NKAIN2: variants seen among roughly 807,000 people sequenced by gnomAD.
NKAIN2 encodes sodium/potassium transporting ATPase interacting 2, also known as sodium/potassium-transporting ATPase subunit beta-1-interacting protein 2.
NKAIN2 carries 14 observed loss-of-function variants against 32.6 expected under a neutral mutation model. The observed-to-expected ratio is 0.43, with a 90% CI of 0.28 to 0.67. NKAIN2 has a LOEUF of 0.67. Ranked by LOEUF, NKAIN2 falls within the 30% of genes least tolerant of loss-of-function variation. NKAIN2 has a pLI of 0.17. For missense variants in NKAIN2, 198 were observed against 258.3 expected, an observed-to-expected ratio of 0.77 and a Z score of 1.60; for synonymous variants, 80 against 87.2, an observed-to-expected ratio of 0.92 and a Z score of 0.46.
chr6:124,789,191 C>T (rs1309020858), intron 4 of NKAIN2, among the ~76,000 whole-genome samples: 1 of 152,008 alleles, frequency 6.6e-6, no homozygotes, highest in Admixed American at 6.6e-5. Flanking sequence ...GAAGTTTAAA[C>T]TTATTGGCCA....
chr6:123,941,285 T>TA (rs1379354785), intron 1 of NKAIN2, among the ~76,000 whole-genome samples: 1 of 151,810 alleles, frequency 6.6e-6, no homozygotes, highest in African/African-American at 2.4e-5. Flanking sequence ...ATTTTTTTTT[T>TA]ATTAGTGGAA....
chr6:124,011,584 C>G (rs1376361214), intron 1 of NKAIN2, among the ~76,000 whole-genome samples: 1 of 152,132 alleles, frequency 6.6e-6, no homozygotes, highest in Non-Finnish European at 1.5e-5. Context: ...TTGAGCCTCC[C>G]AAACTTGGTT....
chr6:124,502,998 G>A (rs147816121), intron 3 of NKAIN2, among the ~76,000 whole-genome samples: 1 of 152,188 alleles, frequency 6.6e-6, no homozygotes, highest in Non-Finnish European at 1.5e-5. Flanking sequence ...AAAATCACAT[G>A]GCATCATTTA....
intron 2 of NKAIN2, among the ~76,000 whole-genome samples, chr6:124,313,524 T>C (rs1796809394): frequency 6.6e-6 from 1 of 152,168 alleles, no homozygotes; most frequent in South Asian, 2.1e-4. Flanking sequence ...AGGCTGGGAA[T>C]AGGGCATGAC....
intron 1 of NKAIN2, among the ~76,000 whole-genome samples, chr6:124,012,814 A>G (rs1780397074): frequency 6.6e-6 from 1 of 152,172 alleles, no homozygotes; most frequent in Admixed American, 6.5e-5. Context: ...AATTCTTTCT[A>G]TGGATGTTGC....
chr6:124,235,652 G>A (rs1415804650), intron 1 of NKAIN2, among the ~76,000 whole-genome samples: 1 of 151,176 alleles, frequency 6.6e-6, no homozygotes, highest in Non-Finnish European at 1.5e-5. Context: ...AGACTGGAGT[G>A]CAATGGTGCG....
intron 1 of NKAIN2, among the ~76,000 whole-genome samples, chr6:123,840,888 G>A (rs1774840629): frequency 6.6e-6 from 1 of 152,104 alleles, no homozygotes; most frequent in South Asian, 2.1e-4. Context: ...TTTTCAAAGT[G>A]TAGTCTAGAT....
chr6:123,912,270 T>C (rs1775253030), intron 1 of NKAIN2, among the ~76,000 whole-genome samples: 1 of 152,012 alleles, frequency 6.6e-6, no homozygotes, highest in Non-Finnish European at 1.5e-5. Flanking sequence ...TATCATGTAT[T>C]AAAAATCTAA....
chr6:124,121,760 A>G (rs1482109808), intron 1 of NKAIN2: 2 of 215,626 alleles, frequency 9.3e-6, no homozygotes, highest in African/African-American at 2.3e-5. Flanking sequence ...TGTGAAGTTT[A>G]TTTTAGAAGC....
intron 3 of NKAIN2, among the ~76,000 whole-genome samples, chr6:124,468,773 G>A (rs1776859777): frequency 1.3e-5 from 2 of 152,162 alleles, no homozygotes; most frequent in Admixed American, 1.3e-4. Context: ...GCAGAGTGGA[G>A]CTTGCAACTT....
intron 4 of NKAIN2, among the ~76,000 whole-genome samples, chr6:124,735,733 T>C (rs894441085): frequency 6.6e-6 from 1 of 151,918 alleles, no homozygotes; most frequent in Non-Finnish European, 1.5e-5. Context: ...CTGTGATCAG[T>C]CATCTTTGAT....
chr6:124,339,525 G>A (rs972938848), intron 2 of NKAIN2, among the ~76,000 whole-genome samples: 6 of 152,196 alleles, frequency 3.9e-5, no homozygotes, highest in Admixed American at 1.3e-4. Flanking sequence ...GGCCACATTA[G>A]TCCAGTCTTT....
intron 1 of NKAIN2, among the ~76,000 whole-genome samples, chr6:123,963,135 A>G (rs553749274): frequency 1.1e-4 from 16 of 152,264 alleles, no homozygotes; most frequent in African/African-American, 3.6e-4. Flanking sequence ...CTTATGTAAC[A>G]CTAACCTCAT....
chr6:124,479,979 A>G (rs1158130185), intron 3 of NKAIN2, among the ~76,000 whole-genome samples: 1 of 152,214 alleles, frequency 6.6e-6, no homozygotes, highest in Non-Finnish European at 1.5e-5. Context: ...CTTAGATGGA[A>G]TCACAGCTGT....
At chr6:124,241,622 G>C (rs1025789405) in intron 1 of NKAIN2, among the ~76,000 whole-genome samples, 1 of 152,066 alleles carries the variant, frequency 6.6e-6, no homozygotes, top group Non-Finnish European at 1.5e-5. Flanking sequence ...CGAAAAACCT[G>C]ACAAAAACAA....
intron 1 of NKAIN2, among the ~76,000 whole-genome samples, chr6:124,071,865 A>G (rs1231272334): frequency 6.6e-6 from 1 of 152,184 alleles, no homozygotes; most frequent in Non-Finnish European, 1.5e-5. Context: ...AAACACATAT[A>G]CATTATTGGT....
intron 3 of NKAIN2, among the ~76,000 whole-genome samples, chr6:124,431,259 C>G (rs1039704112): frequency 6.6e-6 from 1 of 152,070 alleles, no homozygotes; most frequent in Admixed American, 6.6e-5. Flanking sequence ...TCTATTTACT[C>G]GTTGCAATAT....
intron 1 of NKAIN2, among the ~76,000 whole-genome samples, chr6:124,079,257 G>A (rs1244033285): frequency 6.6e-6 from 1 of 152,134 alleles, no homozygotes; most frequent in Non-Finnish European, 1.5e-5. Context: ...GGCAGAGGTT[G>A]TAGTGACCCG....
chr6:123,868,080 G>T (rs182779751), intron 1 of NKAIN2, among the ~76,000 whole-genome samples: 1 of 152,066 alleles, frequency 6.6e-6, no homozygotes, highest in Admixed American at 6.5e-5. Context: ...GTGTTAGCCA[G>T]GATGGTCTTG....
Sources: gnomAD v4.1 joint callset for allele counts (sites outside exome capture counted in the v4.1 genomes callset) on GRCh38, gnomAD v4.1.1 for gene constraint, MANE v1.5 for transcripts, NCBI Gene and HGNC (gene_info 2026-07-23, HGNC 2026-07-21) for gene names.